The following ARHGAP10 variants were observed in gnomAD, a reference collection of about 807,000 sequenced individuals.
The protein encoded by ARHGAP10 is rho GTPase-activating protein 10.
ARHGAP10 carries 87 observed loss-of-function variants against 108.6 expected under a neutral mutation model. The ratio of observed to expected loss-of-function variants is 0.80; its 90% CI spans 0.67 to 0.96. ARHGAP10 has a LOEUF of 0.96. Ranked by LOEUF, ARHGAP10 falls within the 40% of genes least tolerant of loss-of-function variation. The pLI, the probability that ARHGAP10 is intolerant of heterozygous loss-of-function variation, is 0.00. For synonymous variants in ARHGAP10, 347 were observed against 341.1 expected, an observed-to-expected ratio of 1.02 and a Z score of -0.19; for missense variants, 939 against 954.5, an observed-to-expected ratio of 0.98 and a Z score of 0.21.
rs901926467 is a variant in ARHGAP10 at position 147,788,186 on chromosome 4, C to T, written c.155-34541C>T. Among the ~76,000 whole-genome samples the T allele has an allele frequency of 1.1e-4, 16 of 152,080 alleles. No individual in the cohort carries two copies. In the East Asian group the frequency reaches 1.4e-3, roughly 13 times the overall value. On this transcript the variant is annotated intron_variant, in intron 1 of 22. Transcript: ENST00000336498. ...GAAGGGCCAGGCATGGTGGCTTGCA[C>T]GTGTAATCCCAGCACTTTGGGAGGC...
intron 13 of ARHGAP10, among the ~76,000 whole-genome samples, chr4:147,923,975 G>T (rs1336266170): frequency 6.6e-6 from 1 of 152,208 alleles, no homozygotes; most frequent in Admixed American, 6.5e-5. Context: ...GTAAACTAGA[G>T]TTTCTCTCTG....
At chr4:147,879,049 C>T (rs896619797) in intron 8 of ARHGAP10, among the ~76,000 whole-genome samples, 183 bp from the exon 9 acceptor site, 2 of 152,212 alleles carry the variant, frequency 1.3e-5, no homozygotes, top group Non-Finnish European at 2.9e-5. Flanking sequence ...GGATTACAGG[C>T]GTGAGCCACC....
intron 18 of ARHGAP10, among the ~76,000 whole-genome samples, chr4:148,021,072 A>C (rs993101381): frequency 6.6e-6 from 1 of 152,198 alleles, no homozygotes; most frequent in African/African-American, 2.4e-5. Flanking sequence ...ACAGACTCCA[A>C]AGCCTGTTAC....
At chr4:147,881,151 G>C (rs1304074347) in intron 9 of ARHGAP10, among the ~76,000 whole-genome samples, 1 of 151,944 alleles carries the variant, frequency 6.6e-6, no homozygotes, top group Non-Finnish European at 1.5e-5. Flanking sequence ...ATGCACACCT[G>C]TAATCCCAGC....
At chr4:147,994,696 C>T (rs1740405568) in intron 18 of ARHGAP10, among the ~76,000 whole-genome samples, 1 of 152,126 alleles carries the variant, frequency 6.6e-6, no homozygotes, top group Non-Finnish European at 1.5e-5. Context: ...GAATTTATTT[C>T]TAGGCTATCC....
At chr4:147,832,263 T>C (rs1732980613) in intron 3 of ARHGAP10, among the ~76,000 whole-genome samples, 1 of 152,020 alleles carries the variant, frequency 6.6e-6, no homozygotes, top group African/African-American at 2.4e-5. Context: ...CTTTAGACCA[T>C]GTCATGAAAA....
chr4:147,740,597 A>G (rs770139086), intron 1 of ARHGAP10, among the ~76,000 whole-genome samples: 7 of 152,276 alleles, frequency 4.6e-5, no homozygotes, highest in Non-Finnish European at 8.8e-5. Flanking sequence ...GCTAATTTGT[A>G]TTATGAGTAC....
At position 147,792,522 on chromosome 4, in the gene ARHGAP10, G is replaced by A. The variant is rs1252910271; in HGVS notation, c.155-30205G>A. Among the ~76,000 whole-genome samples, 3 of 152,198 alleles carry A rather than the reference G, an allele frequency of 2.0e-5. No individual in the cohort carries two copies. The East Asian group carries it at 5.8e-4, about 29-fold the overall frequency. On this transcript the variant is annotated intron_variant, in intron 1 of 22. Transcript: ENST00000336498. Reference sequence around the variant, plus strand: ...ATAATGAACACCTACGAGCTCATCAGGTTCTGAGACATTACCAACAACTTC... The same window carrying A: ...ATAATGAACACCTACGAGCTCATCAAGTTCTGAGACATTACCAACAACTTC...
At chr4:147,868,787 A>G (rs910210995) in intron 7 of ARHGAP10, among the ~76,000 whole-genome samples, 3 of 152,130 alleles carry the variant, frequency 2.0e-5, no homozygotes, top group Non-Finnish European at 4.4e-5. Flanking sequence ...TGCGCAGTTC[A>G]CAATACGGTT....
At chr4:147,947,690 A>G (rs1433694437) in intron 15 of ARHGAP10, among the ~76,000 whole-genome samples, 2 of 151,886 alleles carry the variant, frequency 1.3e-5, no homozygotes, top group Non-Finnish European at 2.9e-5. Flanking sequence ...GGTGTGAGCC[A>G]CCATACCTGG....
intron 1 of ARHGAP10, among the ~76,000 whole-genome samples, chr4:147,761,357 A>T (rs1002895138): frequency 2.0e-5 from 3 of 152,112 alleles, no homozygotes; most frequent in Non-Finnish European, 2.9e-5. Context: ...AATTTTAAAA[A>T]TCTTTTCTAG....
rs548091799 is a variant in ARHGAP10, at chr4:148,014,311, ATTC to A, written c.1717-8947_1717-8945del. Among the ~76,000 whole-genome samples the A allele has an allele frequency of 2.0e-4, 31 of 152,338 alleles. No homozygotes were observed. In the East Asian group the frequency reaches 3.7e-3, roughly 18 times the overall value. ...ATTACAGCTATATTTGGGGAAGTGT[ATTC>A]TTCTGACTTCAGAAATCGTATGCTG... On this transcript the variant is annotated intron_variant, in intron 18 of 22. Coordinates refer to ENST00000336498, the MANE Select transcript of ARHGAP10 (RefSeq NM_024605.4).
At chr4:147,953,924 A>C (rs1269653403) in intron 15 of ARHGAP10, among the ~76,000 whole-genome samples, 1 of 151,940 alleles carries the variant, frequency 6.6e-6, no homozygotes, top group East Asian at 1.9e-4. Flanking sequence ...GTACTGCTTT[A>C]CCAACATCCC....
intron 3 of ARHGAP10, among the ~76,000 whole-genome samples, chr4:147,838,534 T>A (rs1047035493): frequency 1.5e-5 from 1 of 66,100 alleles, no homozygotes; most frequent in African/African-American, 2.7e-5. Context: ...TTTCCATGAT[T>A]TCTCTTCCTC....
At chr4:147,961,355 G>A (rs529309592) in intron 16 of ARHGAP10, among the ~76,000 whole-genome samples, 7 of 152,196 alleles carry the variant, frequency 4.6e-5, no homozygotes, top group Non-Finnish European at 1.0e-4. Flanking sequence ...TGAAATTCCT[G>A]CCCCGGTCTT....
At chr4:147,838,483 AC>A (rs374056142) in intron 3 of ARHGAP10, among the ~76,000 whole-genome samples, 126 of 89,716 alleles carry the variant, frequency 1.4e-3, no homozygotes, top group African/African-American at 1.9e-3. Context: ...TAAAAAAAAA[AC>A]ACACACACAC....
At chr4:147,906,742 T>A (rs776953685) in intron 11 of ARHGAP10, 23 bp downstream of exon 11, 13 of 1,613,018 alleles carry the variant, frequency 8.1e-6, no homozygotes, top group Non-Finnish European at 9.3e-6. Context: ...AATGGTTGAG[T>A]TTTATTTCAA....
In ARHGAP10 at chr4:147,919,397, G is replaced by A. The variant is rs76528715; in HGVS notation, c.1228+6258G>A. 5.8e-3 allele frequency among the ~76,000 whole-genome samples: 884 copies of A among 152,148 alleles called. 13 individuals are homozygous for A. Among genetic ancestry groups the A allele is most frequent in the African/African-American group, 0.02 (841 of 41,486 alleles). On this transcript the variant is annotated intron_variant, in intron 13 of 22. Transcript: ENST00000336498. ...TGCTCATGATGTTTTGGCATGTGTG[G>A]GAGTCACATCAACTCGTCTTTCATC...
At chr4:147,906,309 GA>G (rs934956053) in intron 10 of ARHGAP10, among the ~76,000 whole-genome samples, 15 of 152,154 alleles carry the variant, frequency 9.9e-5, no homozygotes, top group Non-Finnish European at 1.6e-4. Context: ...ATTGTGAATG[GA>G]TAAGAAAAAT....
Sources: allele counts gnomAD v4.1 joint callset (sites outside exome capture counted in the v4.1 genomes callset), GRCh38; gene constraint gnomAD v4.1.1; transcripts MANE v1.5; gene names NCBI Gene and HGNC (gene_info 2026-07-23, HGNC 2026-07-21).